ACOT11: variants seen among roughly 807,000 people sequenced by gnomAD.
ACOT11 encodes acyl-CoA thioesterase 11.
Under a neutral mutation model 77.5 loss-of-function variants are expected in ACOT11, and 69 were observed. The observed-to-expected ratio is 0.89, with a 90% CI of 0.73 to 1.09. The LOEUF (loss-of-function observed/expected upper bound fraction) is 1.09, where lower values mean the gene tolerates loss of function less well. ACOT11 is among the 50% of genes least tolerant of loss of function. ACOT11 has a pLI of 0.00. For missense variants in ACOT11, 766 were observed against 813.7 expected (o/e 0.94, Z 0.71); for synonymous variants, 279 against 313.0 (o/e 0.89, Z 1.15).
chr1:54,562,896 G>A (rs1459536765), intron 1 of ACOT11, among the ~76,000 whole-genome samples: 1 of 138,644 alleles, frequency 7.2e-6, no homozygotes, highest in African/African-American at 2.8e-5. Context: ...GATGGCGGCC[G>A]GGCGGAGACG....
intron 1 of ACOT11, among the ~76,000 whole-genome samples, chr1:54,557,023 A>C (rs923803981): frequency 1.3e-5 from 2 of 152,128 alleles, no homozygotes; most frequent in Non-Finnish European, 2.9e-5. Context: ...CTCCTGCCTC[A>C]GCCTCCCAAG....
chr1:54,631,056 G>A (rs1264409629), intron 16 of ACOT11, among the ~76,000 whole-genome samples: 3 of 152,234 alleles, frequency 2.0e-5, no homozygotes, highest in South Asian at 2.1e-4. Context: ...AAGCTAAAGC[G>A]GCAAAGGAAG....
chr1:54,550,843 CAAAA>C (rs1653036213), intron 1 of ACOT11, among the ~76,000 whole-genome samples: 2 of 151,316 alleles, frequency 1.3e-5, no homozygotes, highest in African/African-American at 4.9e-5. Context: ...CAAAAACAAA[CAAAA>C]AACCCCACCA....
At chr1:54,585,942 C>T in intron 3 of ACOT11, 38 bp downstream of exon 3, 1 of 1,606,498 alleles carries the variant, frequency 6.2e-7, no homozygotes, top group East Asian at 2.2e-5. Flanking sequence ...CTCTGGGCTC[C>T]CTCCCATCAG....
intron 1 of ACOT11, among the ~76,000 whole-genome samples, chr1:54,583,100 G>T (rs1165806877): frequency 2.0e-5 from 3 of 152,118 alleles, no homozygotes; most frequent in African/African-American, 7.2e-5. Flanking sequence ...GGGTCCTGCT[G>T]CTTGGACAAC....
rs1644096439 is a variant in ACOT11, at chr1:54,609,934, T to C, written c.*822T>C. ...GGCCAGTGTTCAGCAGGATCATGCC[T>C]TCTGTGTCTGGAAGAGGCGGCAGAG... On this transcript the variant is annotated 3_prime_UTR_variant, in exon 16 of 16. Transcript: ENST00000343744. The C allele has an allele frequency of 6.2e-7, 1 of 1,604,014 alleles. No homozygotes were observed. Among genetic ancestry groups the C allele is most frequent in the Non-Finnish European group, 8.5e-7 (1 of 1,178,212 alleles).
chr1:54,605,544 C>G (rs577421375), intron 13 of ACOT11, among the ~76,000 whole-genome samples: 1 of 152,070 alleles, frequency 6.6e-6, no homozygotes, highest in African/African-American at 2.4e-5. Flanking sequence ...GATTCACACT[C>G]AGAGATACTG....
At chr1:54,572,657 G>A (rs751626281) in intron 1 of ACOT11, among the ~76,000 whole-genome samples, 13 of 152,228 alleles carry the variant, frequency 8.5e-5, no homozygotes, top group Non-Finnish European at 1.8e-4. Flanking sequence ...GGCCACTTTT[G>A]TGGTCTGCTG....
rs202087836 is a variant in ACOT11, at chr1:54,616,128, C to T, written c.1629+8060C>T. ...GGAACTCCTGTCTCATTGGCTGTGC[C>T]GAGCCCTTCTACATTGACGTCAGCC... On this transcript the variant is annotated intron_variant, in intron 15 of 16. Coordinates refer to the ACOT11 transcript ENST00000371316. The T allele has an allele frequency of 1.5e-5, 25 of 1,614,078 alleles. No homozygotes were observed. In the East Asian group the frequency reaches 2.0e-4, roughly 13 times the overall value.
intron 1 of ACOT11, among the ~76,000 whole-genome samples, chr1:54,561,882 C>T (rs1157269443): frequency 1.0e-5 from 1 of 98,322 alleles, no homozygotes; most frequent in Non-Finnish European, 2.1e-5. Flanking sequence ...CCTCACCTCC[C>T]GGACGGGGCG....
intron 8 of ACOT11, among the ~76,000 whole-genome samples, chr1:54,600,122 A>G (rs1230462296): frequency 6.6e-6 from 1 of 152,200 alleles, no homozygotes; most frequent in African/African-American, 2.4e-5. Context: ...TGTCCGGTAA[A>G]GGTCAGCCAT....
chr1:54,603,833 TC>T (rs770557941), intron 10 of ACOT11, 37 bp from the exon 11 acceptor site: 7 of 1,604,810 alleles, frequency 4.4e-6, no homozygotes, highest in Non-Finnish European at 3.4e-6. Context: ...GTGCTGAACT[TC>T]CAGGGGACCA....
intron 15 of ACOT11, among the ~76,000 whole-genome samples, chr1:54,608,417 C>T (rs1051937547): frequency 2.0e-5 from 3 of 152,010 alleles, no homozygotes; most frequent in Admixed American, 6.6e-5. Flanking sequence ...CAGCGCAGTC[C>T]GTGTTGATGG....
intron 6 of ACOT11, among the ~76,000 whole-genome samples, chr1:54,595,954 C>T (rs1033651178): frequency 6.6e-6 from 1 of 152,186 alleles, no homozygotes; most frequent in African/African-American, 2.4e-5. Flanking sequence ...GTTCCATGTG[C>T]CCTGGTTCTA....
At chr1:54,600,034 T>C (rs1312324664) in intron 8 of ACOT11, among the ~76,000 whole-genome samples, 1 of 152,218 alleles carries the variant, frequency 6.6e-6, no homozygotes, top group Non-Finnish European at 1.5e-5. Context: ...TTCTTTCACC[T>C]ATAAAATGGG....
Position 54,594,642 on chromosome 1 carries a change from C to T in ACOT11, c.558C>T (p.Val186=), listed in dbSNP as rs780267486. The T allele has an allele frequency of 3.7e-6, 6 of 1,614,130 alleles. No homozygotes were observed. The highest frequency in any genetic ancestry group is 8.5e-7 in the Non-Finnish European group (1 of 1,179,986). ...CTGAGCGCCGGCGCATGCGCCTTGT[C>T]TATGCAGACACCATCAAGGACCTCC... ...VAAERRRMRL[V]YADTIKDLLA... Residue 186 remains valine (V), a synonymous_variant, in exon 6 of 16, where the codon GTC becomes GTT. Transcript: ENST00000343744.
At chr1:54,582,127 C>A (rs1654332732) in intron 1 of ACOT11, among the ~76,000 whole-genome samples, 1 of 152,184 alleles carries the variant, frequency 6.6e-6, no homozygotes, top group Admixed American at 6.5e-5. Context: ...TCCATTCTGA[C>A]AGGGTTCTAG....
chr1:54,577,793 C>T (rs1569694007), intron 1 of ACOT11, among the ~76,000 whole-genome samples: 2 of 152,236 alleles, frequency 1.3e-5, no homozygotes, highest in Admixed American at 6.5e-5. Flanking sequence ...GTACACAGGT[C>T]CCGTGAATTT....
chr1:54,566,491 C>T (rs1278028835), intron 1 of ACOT11, among the ~76,000 whole-genome samples: 3 of 150,134 alleles, frequency 2.0e-5, no homozygotes, highest in African/African-American at 4.9e-5. Flanking sequence ...GTGAATGTCT[C>T]TGTCAACCCA....
Sources: allele counts gnomAD v4.1 joint callset (sites outside exome capture counted in the v4.1 genomes callset), GRCh38; gene constraint gnomAD v4.1.1; transcripts MANE v1.5; gene names NCBI Gene and HGNC (gene_info 2026-07-23, HGNC 2026-07-21).